AKAP1: variants seen among roughly 807,000 people sequenced by gnomAD.
The protein encoded by AKAP1 is A-kinase anchoring protein 1, also known as A-kinase anchor protein 1, mitochondrial.
Under a neutral mutation model 79.8 loss-of-function variants are expected in AKAP1, and 32 were observed. The ratio of observed to expected loss-of-function variants is 0.40; its 90% CI spans 0.30 to 0.54. The LOEUF (loss-of-function observed/expected upper bound fraction) is 0.54. Among genes scored for constraint, AKAP1 ranks in the 20% least tolerant of loss-of-function variants. The pLI, the probability that AKAP1 is intolerant of heterozygous loss-of-function variation, is 0.47. For missense variants in AKAP1, 961 were observed against 1,138.9 expected, an observed-to-expected ratio of 0.84 and a Z score of 2.25; for synonymous variants, 416 against 466.7, an observed-to-expected ratio of 0.89 and a Z score of 1.40.
chr17:57,108,935 G>A (rs1170705832), intron 2 of AKAP1, among the ~76,000 whole-genome samples: 2 of 152,176 alleles, frequency 1.3e-5, no homozygotes, highest in African/African-American at 2.4e-5. Context: ...TATGCTTCCC[G>A]CAGGCTAGCC....
In AKAP1 at chr17:57,116,031, G is replaced by T. The variant is rs544599034; in HGVS notation, c.2282-80G>T. On this transcript the variant is annotated intron_variant, in intron 6 of 10. Transcript: ENST00000337714. ...TGCAGGCCTCTGAGAGGTAACGCAG[G>T]GAGGTGGGTAGTGGCCAGGTGGCCC... is the stretch of plus-strand genomic sequence containing the variant. The T allele has an allele frequency of 5.0e-5, 76 of 1,529,296 alleles. No individual in the cohort carries two copies. The East Asian group carries it at 1.7e-3, about 33-fold the overall frequency. 94.7% of individuals were successfully genotyped at this position (1,529,296 alleles called of 1,614,324 possible).
intron 6 of AKAP1, among the ~76,000 whole-genome samples, chr17:57,114,879 C>G (rs1018188506): frequency 6.6e-6 from 1 of 151,332 alleles, no homozygotes; most frequent in African/African-American, 2.4e-5. Flanking sequence ...AGCTCTGCCA[C>G]TAATTTTTTT....
In AKAP1 at chr17:57,105,800, T is replaced by C. The variant is rs1326482934; in HGVS notation, c.336T>C (p.Pro112=). The change falls in exon 2 of 11, where the codon CCT becomes CCC. Residue 112 remains proline (P), a synonymous_variant. Coordinates refer to ENST00000337714, the MANE Select transcript of AKAP1 (RefSeq NM_003488.4). ...GATCAGAGTCCTCGGGCATTCTTCC[T>C]AACACCACAGACATGAGATTGCGAC... ...CRRSESSGIL[P]NTTDMRLRPG... is the part of the protein sequence containing the mutation. 1.2e-6 allele frequency: 2 copies of C among 1,614,098 alleles called. No homozygotes were observed. Among genetic ancestry groups the C allele is most frequent in the Non-Finnish European group, 1.7e-6 (2 of 1,180,054 alleles).
At chr17:57,087,852 C>G (rs1480358047) in intron 1 of AKAP1, among the ~76,000 whole-genome samples, 1 of 152,224 alleles carries the variant, frequency 6.6e-6, no homozygotes, top group Admixed American at 6.5e-5. Context: ...GAAGAGCAGG[C>G]AGCTTGTAGC....
chr17:57,118,071 G>A lies in AKAP1; in HGVS notation c.2501-310G>A, dbSNP rs375052184. On this transcript the variant is annotated intron_variant, in intron 8 of 10. Coordinates refer to ENST00000337714, the MANE Select transcript of AKAP1 (RefSeq NM_003488.4). Reference sequence around the variant, plus strand: ...CATATGCTCTGCACTGCCAGCATCCGAGTTGGTGGGGGTGGGGGTGGTGCT... The same window carrying A: ...CATATGCTCTGCACTGCCAGCATCCAAGTTGGTGGGGGTGGGGGTGGTGCT... Among the ~76,000 whole-genome samples the A allele has an allele frequency of 3.3e-5, 5 of 152,102 alleles. No homozygotes were observed. The East Asian group carries it at 7.7e-4, about 23-fold the overall frequency.
intron 1 of AKAP1, among the ~76,000 whole-genome samples, chr17:57,097,281 T>G (rs1001194406): frequency 2.0e-5 from 3 of 152,104 alleles, no homozygotes; most frequent in African/African-American, 7.2e-5. Context: ...ACTTCTCAGC[T>G]GCTTGTGGCG....
chr17:57,119,705 ACT>A (rs1322616917), intron 10 of AKAP1, among the ~76,000 whole-genome samples: 1 of 151,484 alleles, frequency 6.6e-6, no homozygotes, highest in Non-Finnish European at 1.5e-5. Flanking sequence ...ACAGAGCAAG[ACT>A]CTGTCTCAAA....
At chr17:57,115,143 G>A (rs1039319037) in intron 6 of AKAP1, among the ~76,000 whole-genome samples, 1 of 152,136 alleles carries the variant, frequency 6.6e-6, no homozygotes, top group Non-Finnish European at 1.5e-5. Context: ...TTGCCCAAGT[G>A]AGCAGGATCT....
intron 1 of AKAP1, among the ~76,000 whole-genome samples, chr17:57,102,664 AG>A (rs1166708436): frequency 1.3e-5 from 2 of 151,760 alleles, no homozygotes; most frequent in Non-Finnish European, 2.9e-5. Context: ...TAGTAGAAAC[AG>A]GGTTTAACAT....
rs747498602 is a variant in AKAP1, at chr17:57,106,543, C to T, written c.1079C>T (p.Thr360Ile). The part of the protein sequence containing the change: ...QIISQVISEA[T>I]EQVLATTVGK... Reference sequence around the variant, plus strand: ...ATCTCCCAAGTGATCTCAGAAGCAACCGAACAGGTGCTGGCCACCACGGTT... The same window carrying T: ...ATCTCCCAAGTGATCTCAGAAGCAATCGAACAGGTGCTGGCCACCACGGTT... The change falls in exon 2 of 11, where the codon ACC becomes ATC. Residue 360 changes from threonine (T) to isoleucine (I), a missense_variant. Physicochemically the swap from Thr to Ile is moderately conservative, Grantham distance 89 (BLOSUM62 -1). Coordinates refer to ENST00000337714, the MANE Select transcript of AKAP1 (RefSeq NM_003488.4). 57 of 1,614,092 alleles carry T rather than the reference C, an allele frequency of 3.5e-5. No individual in the cohort carries two copies. The highest frequency in any genetic ancestry group is 3.1e-5 in the Non-Finnish European group (37 of 1,180,036).
chr17:57,120,241 C>A lies in AKAP1; in HGVS notation c.2638-9C>A. 6.2e-7 allele frequency: 1 copy of A among 1,610,902 alleles called. No homozygotes were observed. The highest frequency in any genetic ancestry group is 8.5e-7 in the Non-Finnish European group (1 of 1,178,958). ...TGGACAAAAGCTTTAAGGGAACTTT[C>A]TTTTCTAGGTGGTGTTGATAAACCG... On this transcript the variant is annotated splice_polypyrimidine_tract_variant and intron_variant, in intron 10 of 10. Transcript: ENST00000337714.
chr17:57,100,449 A>ACACACACACACACACACACACG (rs1567901984), intron 1 of AKAP1, among the ~76,000 whole-genome samples: 4 of 151,058 alleles, frequency 2.6e-5, no homozygotes, highest in African/African-American at 9.7e-5. Context: ...ACACACACGC[A>ACACACACACACACACACACACG]CACACACACA....
intron 2 of AKAP1, among the ~76,000 whole-genome samples, chr17:57,108,427 TTA>T (rs1915029650): frequency 6.6e-6 from 1 of 152,234 alleles, no homozygotes; most frequent in South Asian, 2.1e-4. Context: ...TTTATTTTAT[TTA>T]TTTTTTAAGA....
chr17:57,105,337 A>G, intron 1 of AKAP1, 104 bp from the exon 2 acceptor site: 1 of 1,124,130 alleles, frequency 8.9e-7, no homozygotes, highest in South Asian at 1.3e-5. Flanking sequence ...GGCGGAGGAG[A>G]TGGCTCCAGC....
chr17:57,108,995 G>A (rs1296784520), intron 2 of AKAP1, among the ~76,000 whole-genome samples: 1 of 152,206 alleles, frequency 6.6e-6, no homozygotes. Flanking sequence ...AATCCTGTTC[G>A]AAGCGCCTAG....
Position 57,114,471 on chromosome 17 carries a change from G to A in AKAP1, c.2116G>A (p.Asp706Asn). 6.2e-7 allele frequency: 1 copy of A among 1,614,010 alleles called. No homozygotes were observed. Among genetic ancestry groups the A allele is most frequent in the Non-Finnish European group, 8.5e-7 (1 of 1,180,024 alleles). Residue 706 changes from aspartate to asparagine, a missense_variant, in exon 6 of 11, where the codon GAT becomes AAT. Asp to Asn is a conservative substitution (Grantham distance 23, BLOSUM62 1). Transcript: ENST00000337714. ...LPMTSWLMLPDGITVEVIVVN... is the reference protein window; with the variant it reads ...LPMTSWLMLPNGITVEVIVVN... ...TTCCCCTCTACAGCTCATGCTGCCT[G>A]ATGGCATCACCGTGGAGGTCATTGT...
intron 1 of AKAP1, among the ~76,000 whole-genome samples, chr17:57,102,876 C>T (rs1219842214): frequency 1.3e-5 from 2 of 151,566 alleles, no homozygotes; most frequent in Non-Finnish European, 2.9e-5. Context: ...CCTGAGGTCT[C>T]GAGTTCCAGT....
At chr17:57,116,689 G>T (rs1915605621) in intron 7 of AKAP1, among the ~76,000 whole-genome samples, 171 bp from the exon 8 acceptor site, 1 of 152,184 alleles carries the variant, frequency 6.6e-6, no homozygotes. Context: ...TTGCAGCAGG[G>T]TCGGCTGGCT....
chr17:57,117,635 A>G (rs1166661048), intron 8 of AKAP1, among the ~76,000 whole-genome samples: 1 of 152,146 alleles, frequency 6.6e-6, no homozygotes, highest in Non-Finnish European at 1.5e-5. Flanking sequence ...GTCGGCTTAG[A>G]GGGAGCACTG....
Sources: gnomAD v4.1 joint callset for allele counts (sites outside exome capture counted in the v4.1 genomes callset) on GRCh38, gnomAD v4.1.1 for gene constraint, MANE v1.5 for transcripts, NCBI Gene and HGNC (gene_info 2026-07-23, HGNC 2026-07-21) for gene names.